The following SLC29A4 variants were observed in gnomAD, a reference collection of about 807,000 sequenced individuals.
The protein encoded by SLC29A4 is equilibrative nucleoside transporter 4.
In SLC29A4, 36 loss-of-function variants were observed where a neutral mutation model predicts 43.9. That is an observed-to-expected ratio of 0.82 (90% CI 0.63 to 1.08). The LOEUF is 1.08. Ranked by LOEUF, SLC29A4 falls within the 50% of genes least tolerant of loss-of-function variation. The pLI is 0.00. For missense variants in SLC29A4, 869 were observed against 755.3 expected (o/e 1.15, Z -1.77); for synonymous variants, 491 against 338.0 (o/e 1.45, Z -4.97).
chr7:5,299,287 A>T lies in SLC29A4; in HGVS notation c.1069A>T (p.Met357Leu), dbSNP rs1354182958. ...GGTGGCGCGGGTGATCTGGGCCGAC[A>T]TGCTCTCCATCGCCGTGACCTACTT... ...YVVARVIWAD[M>L]LSIAVTYFIT... is the part of the protein sequence containing the mutation. Residue 357 changes from methionine to leucine, a missense_variant, in exon 9 of 11, where the codon ATG (methionine) becomes TTG (leucine). By Grantham distance (15) the Met-to-Leu change is conservative. Transcript: ENST00000396872. 5 of 1,612,020 alleles carry T rather than the reference A, an allele frequency of 3.1e-6. No individual in the cohort carries two copies. Among genetic ancestry groups the T allele is most frequent in the Non-Finnish European group, 4.2e-6 (5 of 1,179,912 alleles).
In SLC29A4 at chr7:5,294,861, G is replaced by A. The variant is rs770921514; in HGVS notation, c.546G>A (p.Val182=). Reference sequence around the variant, plus strand: ...TTGTTCCTCTCTCTCTCTCTTAAGTGCAGCAATCCAGCTTCTACGGGTACA... The same window carrying A: ...TTGTTCCTCTCTCTCTCTCTTAAGTACAGCAATCCAGCTTCTACGGGTACA... ...AVGTVAFGCT[V]QQSSFYGYTG... is the part of the protein sequence containing the mutation. Residue 182 remains valine, a splice_region_variant and synonymous_variant, in exon 6 of 11, where the codon GTG becomes GTA. Coordinates refer to ENST00000396872, the MANE Select transcript of SLC29A4 (RefSeq NM_153247.4). 3.7e-6 allele frequency: 6 copies of A among 1,612,600 alleles called. No individual in the cohort carries two copies. In the South Asian group the frequency reaches 6.6e-5, roughly 18 times the overall value.
At chr7:5,289,917 G>A (rs1366307915) in intron 2 of SLC29A4, among the ~76,000 whole-genome samples, 5 of 151,926 alleles carry the variant, frequency 3.3e-5, no homozygotes, top group South Asian at 4.2e-4. Flanking sequence ...AAACAGTCTC[G>A]TGCTCTTGCC....
intron 7 of SLC29A4, 58 bp downstream of exon 7, chr7:5,297,256 C>T (rs1222665244): frequency 7.8e-7 from 1 of 1,284,848 alleles, no homozygotes; most frequent in South Asian, 1.5e-5. Context: ...GTCCCCACCG[C>T]TTCGTCGGGA....
intron 10 of SLC29A4, 103 bp downstream of exon 10, chr7:5,300,765 C>G (rs568366439): frequency 6.8e-7 from 1 of 1,464,276 alleles, no homozygotes; most frequent in Admixed American, 2.6e-5. Flanking sequence ...ATTTGGGTTC[C>G]GGGGGTTCAG....
chr7:5,306,747 C>CA lies in SLC29A4; in HGVS notation c.*3809dup, dbSNP rs1441114627. 2 of 152,116 alleles carry CA rather than the reference C, an allele frequency of 1.3e-5. No individual in the cohort carries two copies. The highest frequency in any genetic ancestry group is 2.9e-5 in the Non-Finnish European group (2 of 68,006). The allele number at this position is 152,116 out of a possible 1,614,324, so 9.4% of individuals were successfully genotyped here. ...CCTGATATGGCAGAATGCCCCCAGA[C>CA]ACCACCCCTACTCCAGCCCCTGAAA... On this transcript the variant is annotated 3_prime_UTR_variant, in exon 11 of 11. Coordinates refer to ENST00000396872, the MANE Select transcript of SLC29A4 (RefSeq NM_153247.4).
At chr7:5,292,012 G>A (rs1785342566) in intron 5 of SLC29A4, among the ~76,000 whole-genome samples, 191 bp downstream of exon 5, 1 of 152,232 alleles carries the variant, frequency 6.6e-6, no homozygotes, top group Non-Finnish European at 1.5e-5. Flanking sequence ...TGTGTCTGCA[G>A]TGTGTGCGCA....
Position 5,303,044 on chromosome 7 carries a change from T to TC in SLC29A4, c.*110dup. 1 of 1,325,146 alleles carries TC rather than the reference T, an allele frequency of 7.5e-7. No individual in the cohort carries two copies. Among genetic ancestry groups the TC allele is most frequent in the Non-Finnish European group, 1.0e-6 (1 of 975,614 alleles). 82.1% of individuals were successfully genotyped at this position (1,325,146 alleles called of 1,614,324 possible). A position where few individuals can be genotyped will look rare whatever the true frequency, so the allele number is the denominator to read the frequency against. On this transcript the variant is annotated 3_prime_UTR_variant, in exon 11 of 11. Coordinates refer to ENST00000396872, the MANE Select transcript of SLC29A4 (RefSeq NM_153247.4). ...CTCAGTGCCTGCGGGGCCCTGAGCC[T>TC]CCCCCTGTGCCAGCAGCCCCACTCC...
intron 4 of SLC29A4, 124 bp downstream of exon 4, chr7:5,291,361 G>C (rs1785299461): frequency 2.0e-6 from 2 of 976,780 alleles, no homozygotes; most frequent in South Asian, 3.1e-5. Flanking sequence ...CACTTCCTAG[G>C]GCTGCCCTGA....
At chr7:5,283,372 TC>T (rs1313840303) in intron 1 of SLC29A4, among the ~76,000 whole-genome samples, 11 of 151,148 alleles carry the variant, frequency 7.3e-5, no homozygotes, top group African/African-American at 2.7e-4. Context: ...ACGAAGTTCC[TC>T]CCCGGACCCC....
chr7:5,295,340 G>A (rs534582932), intron 6 of SLC29A4, among the ~76,000 whole-genome samples: 4 of 152,210 alleles, frequency 2.6e-5, no homozygotes, highest in African/African-American at 4.8e-5. Flanking sequence ...TTGCAGCCAC[G>A]GACACACAAG....
rs1380387785 is a variant in SLC29A4 at position 5,296,938 on chromosome 7, A to G, written c.622A>G (p.Thr208Ala). 1.3e-6 allele frequency: 2 copies of G among 1,537,186 alleles called. No individual in the cohort carries two copies. Among genetic ancestry groups the G allele is most frequent in the Non-Finnish European group, 1.8e-6 (2 of 1,133,754 alleles). The change falls in exon 7 of 11, where the codon ACG (threonine) becomes GCG (alanine). Residue 208 changes from threonine (T) to alanine (A), a missense_variant and splice_region_variant. Transcript: ENST00000396872. ...YTQGVMTGES[T>A]AGVMISLSRI... Reference sequence around the variant, plus strand: ...GGCCCACTGTGCACGCCCCCCAGGCACGGCGGGCGTGATGATCTCTCTGAG... The same window carrying G: ...GGCCCACTGTGCACGCCCCCCAGGCGCGGCGGGCGTGATGATCTCTCTGAG...
rs1314429795 is a variant in SLC29A4 at position 5,294,862 on chromosome 7, C to T, written c.547C>T (p.Gln183Ter). The T allele has an allele frequency of 3.1e-6, 5 of 1,611,844 alleles. No individual in the cohort carries two copies. Among genetic ancestry groups the T allele is most frequent in the South Asian group, 1.1e-5 (1 of 90,960 alleles). Residue 183 changes from glutamine (Q) to a stop codon, truncating the protein, a stop_gained and splice_region_variant, in exon 6 of 11, where the codon CAG (glutamine) becomes TAG (stop). Coordinates refer to ENST00000396872, the MANE Select transcript of SLC29A4 (RefSeq NM_153247.4). LOFTEE classifies it high-confidence loss of function. ...VGTVAFGCTV[Q>*]QSSFYGYTGM... Reference sequence around the variant, plus strand: ...TGTTCCTCTCTCTCTCTCTTAAGTGCAGCAATCCAGCTTCTACGGGTACAC... The same window carrying T: ...TGTTCCTCTCTCTCTCTCTTAAGTGTAGCAATCCAGCTTCTACGGGTACAC...
rs1428866904 is a variant in SLC29A4 at position 5,299,092 on chromosome 7, G to A, written c.987G>A (p.Arg329=). The stretch of plus-strand genomic sequence containing the variant: ...CCTACATGCGCTTTGATGTGCCGCG[G>A]CCAAGGGTCCAGCGCAGCTGGCCCA... ...GGAYMRFDVP[R]PRVQRSWPTF... is the part of the protein sequence containing the mutation. The change falls in exon 8 of 11, where the codon CGG becomes CGA. Residue 329 remains arginine, a synonymous_variant. Transcript: ENST00000396872. 12 of 1,610,236 alleles carry A rather than the reference G, an allele frequency of 7.5e-6. No individual in the cohort carries two copies. Among genetic ancestry groups the A allele is most frequent in the Non-Finnish European group, 9.3e-6 (11 of 1,179,330 alleles).
intron 1 of SLC29A4, among the ~76,000 whole-genome samples, chr7:5,284,034 C>CCG (rs1304580199): frequency 1.4e-4 from 8 of 55,454 alleles, no homozygotes; most frequent in African/African-American, 4.3e-4. Context: ...GCTGCACGAC[C>CCG]CCCCCCCCCA....
Position 5,302,886 on chromosome 7 carries a change from G to A in SLC29A4, c.1540G>A (p.Gly514Ser), listed in dbSNP as rs149793486. The A allele has an allele frequency of 9.9e-5, 159 of 1,605,118 alleles. No homozygotes were observed. The highest frequency in any genetic ancestry group is 1.2e-4 in the Non-Finnish European group (145 of 1,176,746). Residue 514 changes from glycine (G) to serine (S), a missense_variant, in exon 11 of 11, where the codon GGC becomes AGC. Physicochemically the swap from Gly to Ser is moderately conservative, Grantham distance 56. Coordinates refer to ENST00000396872, the MANE Select transcript of SLC29A4 (RefSeq NM_153247.4). Reference protein sequence around the residue: ...CTYSLTRDAHGSCLHASTANG... With the variant: ...CTYSLTRDAHSSCLHASTANG... Reference sequence around the variant, plus strand: ...CTACAGCCTCACCCGCGACGCTCACGGCAGCTGCCTGCACGCCTCCACCGC... The same window carrying A: ...CTACAGCCTCACCCGCGACGCTCACAGCAGCTGCCTGCACGCCTCCACCGC...
chr7:5,301,766 G>T (rs1786182684), intron 10 of SLC29A4, among the ~76,000 whole-genome samples: 1 of 152,148 alleles, frequency 6.6e-6, no homozygotes, highest in African/African-American at 2.4e-5. Context: ...GTGTGGGAGA[G>T]GGAAGGGGGC....
intron 2 of SLC29A4, among the ~76,000 whole-genome samples, 191 bp downstream of exon 2, chr7:5,288,176 G>A (rs1475621772): frequency 1.3e-5 from 2 of 152,164 alleles, no homozygotes; most frequent in Non-Finnish European, 2.9e-5. Flanking sequence ...CCCTGATGCT[G>A]CATGTCCCTG....
chr7:5,302,118 T>A (rs955252467), intron 10 of SLC29A4, among the ~76,000 whole-genome samples: 1 of 151,962 alleles, frequency 6.6e-6, no homozygotes, highest in Non-Finnish European at 1.5e-5. Flanking sequence ...ACCTGGCGAA[T>A]GTTTGTATTT....
At position 5,290,718 on chromosome 7, in the gene SLC29A4, GTC is replaced by G; in HGVS notation, c.170-10_170-9del. ...TGGAGCGTGCCCCGTCTCACCTGGT[GTC>G]TCTGGCTTTAGCATTGGACGAGCCA... On this transcript the variant is annotated splice_polypyrimidine_tract_variant and intron_variant, in intron 2 of 10. Coordinates refer to ENST00000396872, the MANE Select transcript of SLC29A4 (RefSeq NM_153247.4). 2 of 1,601,318 alleles carry G rather than the reference GTC, an allele frequency of 1.2e-6. No homozygotes were observed. The highest frequency in any genetic ancestry group is 1.7e-6 in the Non-Finnish European group (2 of 1,170,844).
Sources: allele counts gnomAD v4.1 joint callset (sites outside exome capture counted in the v4.1 genomes callset), GRCh38; gene constraint gnomAD v4.1.1; transcripts MANE v1.5; gene names NCBI Gene and HGNC (gene_info 2026-07-23, HGNC 2026-07-21).